Variants in SPRED2 observed in about 807,000 individuals in gnomAD.
The protein encoded by SPRED2 is sprouty-related, EVH1 domain-containing protein 2.
A neutral mutation model predicts 43.0 loss-of-function variants in SPRED2; 47 were observed. The observed-to-expected ratio is 1.09, with a 90% CI of 0.87 to 1.40. SPRED2 has a LOEUF of 1.40. Among genes scored for constraint, SPRED2 ranks in the 40% most tolerant of loss-of-function variants. The pLI is 0.00. For missense variants in SPRED2, 561 were observed against 586.4 expected (o/e 0.96, Z 0.45); for synonymous variants, 225 against 225.7 (o/e 1.00, Z 0.03).
intron 1 of SPRED2, chr2:65,377,564 G>A (rs774543913): frequency 2.1e-6 from 1 of 471,092 alleles, no homozygotes; most frequent in Non-Finnish European, 4.4e-6. Context: ...CTGTGGCAAA[G>A]CAATGACTGA....
rs1323853123 is a variant in SPRED2 at position 65,313,028 on chromosome 2, C to T, written c.*473G>A. 1.0e-6 allele frequency: 1 copy of T among 986,490 alleles called. No individual in the cohort carries two copies. The highest frequency in any genetic ancestry group is 1.7e-5 in the African/African-American group (1 of 57,300). The allele number at this position is 986,490 out of a possible 1,614,324, so 61.1% of individuals were successfully genotyped here. On this transcript the variant is annotated 3_prime_UTR_variant, in exon 6 of 6. Coordinates refer to ENST00000356388, the MANE Select transcript of SPRED2 (RefSeq NM_181784.3). ...TCATCATTCTCACATCCCATTTCCG[C>T]TGAACCAGATGCTTGCTAGCGACAG...
intron 1 of SPRED2, among the ~76,000 whole-genome samples, chr2:65,412,021 A>G (rs750024027): frequency 5.9e-5 from 9 of 151,826 alleles, no homozygotes; most frequent in Non-Finnish European, 8.8e-5. Flanking sequence ...CCAGCTACCC[A>G]GGAGGCTGAG....
intron 1 of SPRED2, among the ~76,000 whole-genome samples, chr2:65,351,630 G>A (rs1256612796): frequency 6.6e-6 from 1 of 152,110 alleles, no homozygotes; most frequent in Non-Finnish European, 1.5e-5. Context: ...GGTCTTCCTT[G>A]TGCTTATAGA....
chr2:65,402,996 C>T (rs911850659), intron 1 of SPRED2, among the ~76,000 whole-genome samples: 1 of 152,198 alleles, frequency 6.6e-6, no homozygotes, highest in Non-Finnish European at 1.5e-5. Flanking sequence ...AAGAATTTAT[C>T]GGCACAATCT....
At chr2:65,392,175 C>CTTTTTT (rs70943649) in intron 1 of SPRED2, among the ~76,000 whole-genome samples, 2 of 98,724 alleles carry the variant, frequency 2.0e-5, no homozygotes, top group Non-Finnish European at 4.1e-5. Flanking sequence ...TCCAGAATTT[C>CTTTTTT]TTTTTTTTTT....
intron 1 of SPRED2, among the ~76,000 whole-genome samples, chr2:65,351,799 T>A (rs1674518824): frequency 6.6e-6 from 1 of 152,190 alleles, no homozygotes; most frequent in Non-Finnish European, 1.5e-5. Flanking sequence ...AAGCTGAGGG[T>A]ACTGGTCATA....
intron 1 of SPRED2, among the ~76,000 whole-genome samples, chr2:65,352,984 T>C (rs1026592197): frequency 6.6e-6 from 1 of 152,230 alleles, no homozygotes; most frequent in African/African-American, 2.4e-5. Flanking sequence ...TTAAATGGTA[T>C]GGAATGAGTT....
chr2:65,326,799 A>C (rs1478404827), intron 4 of SPRED2, among the ~76,000 whole-genome samples: 2 of 152,022 alleles, frequency 1.3e-5, no homozygotes, highest in Non-Finnish European at 2.9e-5. Flanking sequence ...CCACCAGTCC[A>C]GGTCAACAAA....
At chr2:65,431,229 A>G (rs1386881435) in intron 1 of SPRED2, among the ~76,000 whole-genome samples, 10 of 150,366 alleles carry the variant, frequency 6.7e-5, no homozygotes, top group South Asian at 2.1e-4. Flanking sequence ...ACACACACAC[A>G]CGCGCGCCCC....
chr2:65,362,535 G>A (rs574095421), intron 1 of SPRED2, among the ~76,000 whole-genome samples: 1 of 152,204 alleles, frequency 6.6e-6, no homozygotes, highest in South Asian at 2.1e-4. Context: ...CTCCCAAAGT[G>A]TTGGGATTAC....
chr2:65,319,105 C>T, intron 4 of SPRED2, among the ~76,000 whole-genome samples: 1 of 152,214 alleles, frequency 6.6e-6, no homozygotes, highest in African/African-American at 2.4e-5. Context: ...GAAAAACACA[C>T]CCATATTTCC....
intron 2 of SPRED2, among the ~76,000 whole-genome samples, chr2:65,342,171 TTATG>T (rs1317598755): frequency 2.7e-5 from 4 of 148,412 alleles, no homozygotes; most frequent in South Asian, 2.1e-4. Flanking sequence ...TATACATATA[TTATG>T]TATGTATATT....
intron 1 of SPRED2, among the ~76,000 whole-genome samples, chr2:65,389,679 T>C (rs543109954): frequency 0.11 from 16,602 of 152,138 alleles, 1,319 homozygotes; most frequent in Non-Finnish European, 0.16. Context: ...AAAACAATTA[T>C]AGAATTTCTG....
chr2:65,349,782 G>A (rs921441930), intron 1 of SPRED2, among the ~76,000 whole-genome samples: 3 of 152,246 alleles, frequency 2.0e-5, no homozygotes, highest in African/African-American at 7.2e-5. Context: ...CTTGCACTCT[G>A]AGGCCTCCTC....
intron 1 of SPRED2, among the ~76,000 whole-genome samples, chr2:65,355,139 T>C (rs1048805207): frequency 3.0e-4 from 46 of 152,198 alleles, no homozygotes; most frequent in Non-Finnish European, 1.9e-4. Context: ...AAATCCTAAT[T>C]TTCTCATCCT....
At chr2:65,421,351 G>A (rs1305937987) in intron 1 of SPRED2, among the ~76,000 whole-genome samples, 1 of 152,114 alleles carries the variant, frequency 6.6e-6, no homozygotes, top group Non-Finnish European at 1.5e-5. Flanking sequence ...TTTTATTAGG[G>A]TCTGGACAAT....
chr2:65,332,521 C>T (rs1026419543), intron 3 of SPRED2, among the ~76,000 whole-genome samples: 5 of 152,192 alleles, frequency 3.3e-5, no homozygotes, highest in African/African-American at 7.2e-5. Context: ...CCAATGAAGG[C>T]ATTTTAGCTC....
intron 2 of SPRED2, among the ~76,000 whole-genome samples, chr2:65,335,804 C>T (rs776914219): frequency 7.9e-5 from 12 of 152,238 alleles, no homozygotes; most frequent in African/African-American, 9.6e-5. Flanking sequence ...ATAATTTGAA[C>T]GTAAACTTCA....
At chr2:65,341,230 G>C (rs1011434004) in intron 2 of SPRED2, among the ~76,000 whole-genome samples, 1 of 152,012 alleles carries the variant, frequency 6.6e-6, no homozygotes, top group Non-Finnish European at 1.5e-5. Flanking sequence ...GGCAAGGTGA[G>C]GGATGGAGAG....
Sources: allele counts gnomAD v4.1 joint callset (sites outside exome capture counted in the v4.1 genomes callset), GRCh38; gene constraint gnomAD v4.1.1; transcripts MANE v1.5; gene names NCBI Gene and HGNC (gene_info 2026-07-23, HGNC 2026-07-21).